Variants in MSI2 observed in about 807,000 individuals in gnomAD.
MSI2 encodes musashi RNA binding protein 2.
A neutral mutation model predicts 45.6 loss-of-function variants in MSI2; 17 were observed. That is an observed-to-expected ratio of 0.37 (90% CI 0.26 to 0.56). MSI2 has a LOEUF of 0.56. MSI2 is among the 20% of genes least tolerant of loss of function. The pLI, the probability that MSI2 is intolerant of heterozygous loss-of-function variation, is 0.77. For synonymous variants in MSI2, 156 were observed against 158.2 expected (o/e 0.99, Z 0.11); for missense variants, 293 against 444.2 (o/e 0.66, Z 3.06).
Position 57,587,050 on chromosome 17 carries a change from C to G in MSI2, c.455-9818C>G, listed in dbSNP as rs1904340593. Among the ~76,000 whole-genome samples the G allele has an allele frequency of 3.9e-5, 6 of 152,088 alleles. No homozygotes were observed. In the South Asian group the frequency reaches 1.2e-3, roughly 32 times the overall value. Reference sequence around the variant, plus strand: ...TAAAAACGCAGTTCCTGGGCAACACCCACTGAGACCATGTTAGGAGCTGGC... The same window carrying G: ...TAAAAACGCAGTTCCTGGGCAACACGCACTGAGACCATGTTAGGAGCTGGC... On this transcript the variant is annotated intron_variant, in intron 7 of 13. Transcript: ENST00000284073.
At chr17:57,432,391 G>A (rs9899307) in intron 6 of MSI2, among the ~76,000 whole-genome samples, 26,155 of 152,070 alleles carry the variant, frequency 0.17, 2,717 homozygotes, top group East Asian at 0.42. Context: ...AGGTTTCTGC[G>A]GTGTGCATTT....
intron 6 of MSI2, among the ~76,000 whole-genome samples, chr17:57,413,804 C>G (rs1386896705): frequency 5.3e-5 from 8 of 151,976 alleles, no homozygotes; most frequent in African/African-American, 1.9e-4. Context: ...AACAAAGAGG[C>G]TTCGATCTTG....
downstream of MSI2, among the ~76,000 whole-genome samples, chr17:57,685,039 G>C (rs1185642662): frequency 6.6e-6 from 1 of 152,136 alleles, no homozygotes; most frequent in Admixed American, 6.5e-5. Flanking sequence ...GCCCTCCCGG[G>C]TGCTGCCCTC....
At chr17:57,558,955 G>A (rs1040539106) in intron 7 of MSI2, among the ~76,000 whole-genome samples, 2 of 152,138 alleles carry the variant, frequency 1.3e-5, no homozygotes, top group African/African-American at 2.4e-5. Flanking sequence ...CCCACTACTC[G>A]GGAGGCTGAG....
downstream of MSI2, among the ~76,000 whole-genome samples, chr17:57,687,235 T>G (rs560861830): frequency 3.3e-5 from 5 of 152,080 alleles, 1 homozygote; most frequent in South Asian, 4.1e-4. Context: ...GAATTTTTTT[T>G]GGGGGAGGTG....
chr17:57,262,210 C>G lies in MSI2; in HGVS notation c.312+18C>G. On this transcript the variant is annotated intron_variant, in intron 5 of 13. Transcript: ENST00000284073. ...AACCCAAGGTAAGTAGGAGAATAAA[C>G]AGTAGGATTTTAGCACTCAGAGATG... The G allele has an allele frequency of 6.2e-7, 1 of 1,613,606 alleles. No homozygotes were observed.
intron 6 of MSI2, among the ~76,000 whole-genome samples, chr17:57,403,267 T>G (rs1327510985): frequency 6.6e-6 from 1 of 152,222 alleles, no homozygotes; most frequent in East Asian, 1.9e-4. Context: ...CCTTGGTTTC[T>G]TTCTGTCTCT....
chr17:57,483,187 G>A (rs2085682280), intron 6 of MSI2, among the ~76,000 whole-genome samples: 3 of 152,052 alleles, frequency 2.0e-5, no homozygotes, highest in South Asian at 4.1e-4. Flanking sequence ...TCTAGTTAGG[G>A]GATAGAAACC....
chr17:57,579,797 T>C (rs2088153574), intron 7 of MSI2, among the ~76,000 whole-genome samples: 2 of 152,170 alleles, frequency 1.3e-5, no homozygotes, highest in South Asian at 4.1e-4. Context: ...GTGTACTCTC[T>C]CCTTAAATCC....
chr17:57,376,236 A>T lies in MSI2; in HGVS notation c.313-25143A>T, dbSNP rs557973984. ...GCACATTCACATAGAATCTGATTTG[A>T]TCCCTGGAGAAAAGGTATACAATAC... is the stretch of plus-strand genomic sequence containing the variant. On this transcript the variant is annotated intron_variant, in intron 5 of 13. Coordinates refer to ENST00000284073, the MANE Select transcript of MSI2 (RefSeq NM_138962.4). Among the ~76,000 whole-genome samples, 77 of 152,322 alleles carry T rather than the reference A, an allele frequency of 5.1e-4. 1 individual carries two copies. Among genetic ancestry groups the T allele is most frequent in the African/African-American group, 1.8e-3 (74 of 41,574 alleles).
At chr17:57,421,737 C>T (rs1453999928) in intron 6 of MSI2, among the ~76,000 whole-genome samples, 1 of 152,100 alleles carries the variant, frequency 6.6e-6, no homozygotes, top group Non-Finnish European at 1.5e-5. Flanking sequence ...TGTGCCTGTA[C>T]TCCTAGCTAC....
intron 5 of MSI2, among the ~76,000 whole-genome samples, chr17:57,324,642 T>C (rs943435766): frequency 6.6e-6 from 1 of 152,208 alleles, no homozygotes; most frequent in Non-Finnish European, 1.5e-5. Flanking sequence ...AAGGGAGCAG[T>C]GGCCATTTCA....
chr17:57,632,287 G>T, intron 10 of MSI2: 1 of 1,078,088 alleles, frequency 9.3e-7, no homozygotes, highest in Non-Finnish European at 1.1e-6. Flanking sequence ...TCTTACGATG[G>T]ACAGTGATAA....
intron 8 of MSI2, among the ~76,000 whole-genome samples, chr17:57,598,295 AT>A (rs1290948620): frequency 7.2e-5 from 11 of 152,226 alleles, no homozygotes; most frequent in African/African-American, 2.7e-4. Context: ...TCAGACATGC[AT>A]TGTATATTGG....
chr17:57,317,403 G>A (rs1912936352), intron 5 of MSI2, among the ~76,000 whole-genome samples: 2 of 151,998 alleles, frequency 1.3e-5, no homozygotes, highest in Admixed American at 6.6e-5. Context: ...GCACAAGGAG[G>A]CCTTAATGCC....
intron 13 of MSI2, among the ~76,000 whole-genome samples, chr17:57,677,613 C>T (rs1362161534): frequency 6.6e-6 from 1 of 152,214 alleles, no homozygotes; most frequent in Non-Finnish European, 1.5e-5. Context: ...GAAAAGAAAA[C>T]GTTTTTGCCA....
intron 5 of MSI2, among the ~76,000 whole-genome samples, chr17:57,372,860 G>T (rs180922744): frequency 8.0e-5 from 12 of 150,418 alleles, no homozygotes; most frequent in African/African-American, 2.9e-4. Context: ...GGACAGTTTT[G>T]TTTTTTTTTC....
At chr17:57,379,796 T>C (rs1192044421) in intron 5 of MSI2, among the ~76,000 whole-genome samples, 1 of 152,152 alleles carries the variant, frequency 6.6e-6, no homozygotes, top group African/African-American at 2.4e-5. Context: ...AGCTCTTGAT[T>C]GTTTAATAGG....
intron 5 of MSI2, chr17:57,266,220 C>CT (rs1907756467): frequency 6.6e-6 from 1 of 152,126 alleles, no homozygotes; most frequent in African/African-American, 2.4e-5. Context: ...CAGTTTCCTC[C>CT]TTTGTAAAAG....
Sources: allele counts gnomAD v4.1 joint callset (sites outside exome capture counted in the v4.1 genomes callset), GRCh38; gene constraint gnomAD v4.1.1; transcripts MANE v1.5; gene names NCBI Gene and HGNC (gene_info 2026-07-23, HGNC 2026-07-21).